Variants in SERHL2 observed in about 807,000 individuals in gnomAD.
The protein encoded by SERHL2 is serine hydrolase-like protein 2.
A neutral mutation model predicts 25.5 loss-of-function variants in SERHL2; 29 were observed. The observed-to-expected ratio is 1.14, with a 90% CI of 0.85 to 1.55. SERHL2 has a LOEUF of 1.55. Ranked by LOEUF, SERHL2 falls within the 40% of genes most tolerant of loss-of-function variation. SERHL2 has a pLI of 0.00. For synonymous variants in SERHL2, 95 were observed against 103.5 expected (o/e 0.92, Z 0.50); for missense variants, 240 against 252.3 (o/e 0.95, Z 0.33).
intron 9 of SERHL2, among the ~76,000 whole-genome samples, chr22:42,567,830 G>A (rs1039232557): frequency 2.5e-4 from 38 of 151,334 alleles, no homozygotes; most frequent in African/African-American, 7.8e-4. Context: ...TCCCAGGTTC[G>A]AGTGATTCTC....
intron 10 of SERHL2, chr22:42,572,019 T>C (rs1924292898): frequency 1.3e-5 from 2 of 153,712 alleles, no homozygotes; most frequent in African/African-American, 4.8e-5. Context: ...GATGAAAATG[T>C]CCTGTAATTG....
At chr22:42,563,611 T>G (rs1453782778) in intron 8 of SERHL2, 1 of 181,166 alleles carries the variant, frequency 5.5e-6, no homozygotes, top group Non-Finnish European at 1.2e-5. Flanking sequence ...TTGCAGATAA[T>G]AATTTGTTTA....
chr22:42,563,401 G>A (rs754349567), intron 8 of SERHL2: 7 of 428,542 alleles, frequency 1.6e-5, no homozygotes, highest in South Asian at 4.9e-5. Context: ...ATGGAGTTTC[G>A]CCATGTTGCC....
chr22:42,572,305 C>T, intron 10 of SERHL2, 131 bp from the exon 11 acceptor site: 1 of 626,658 alleles, frequency 1.6e-6, no homozygotes, highest in Non-Finnish European at 2.8e-6. Context: ...GTCAAGGGAC[C>T]CAGCTGTGGG....
chr22:42,573,488 C>T (rs1269682440), intron 11 of SERHL2: 2 of 164,720 alleles, frequency 1.2e-5, no homozygotes, highest in African/African-American at 4.8e-5. Flanking sequence ...CGTGATCCGC[C>T]CACCTTGGCC....
At chr22:42,554,714 G>A (rs1195019276) in intron 1 of SERHL2, among the ~76,000 whole-genome samples, 5 of 149,692 alleles carry the variant, frequency 3.3e-5, no homozygotes, top group Non-Finnish European at 4.4e-5. Context: ...ATGCTCTGAG[G>A]CCTGTCACAG....
At position 42,560,197 on chromosome 22, in the gene SERHL2, G is replaced by A. The variant is rs756517281; in HGVS notation, c.545G>A (p.Ser182Asn). Residue 182 changes from serine (S) to asparagine (N), a missense_variant, in exon 8 of 12, where the codon AGC (serine) becomes AAC (asparagine). Around this residue, in one of 4 missense-constraint regions of SERHL2, gnomAD observed 212 missense variants for 168.9 expected, o/e 1.25. Coordinates refer to ENST00000327678, the MANE Select transcript of SERHL2 (RefSeq NM_014509.5). ...LKQLLQRLLK[S>N]NSHLSEECGE... ...CTGTCTCCCCCCAGGTTACTGAAGA[G>A]CAATAGCCACTTGAGTGAGGAGTGC... The A allele has an allele frequency of 6.2e-7, 1 of 1,612,406 alleles. No individual in the cohort carries two copies. Among genetic ancestry groups the A allele is most frequent in the Non-Finnish European group, 8.5e-7 (1 of 1,178,738 alleles).
chr22:42,562,981 G>A lies in SERHL2; in HGVS notation c.613+2716G>A, dbSNP rs148241747. ...AGTCCAGGTGGGAGGACTGTTTGAG[G>A]CCAGGAGTTCAAGACCAGCCTGGGC... On this transcript the variant is annotated intron_variant, in intron 8 of 11. Transcript: ENST00000327678. 5.1e-3 allele frequency among the ~76,000 whole-genome samples: 778 copies of A among 151,848 alleles called. 6 individuals are homozygous for A. The highest frequency in any genetic ancestry group is 0.018 in the African/African-American group (731 of 41,478).
At position 42,557,557 on chromosome 22, in the gene SERHL2, CAAAAAAAAA is replaced by C. The variant is rs3046378; in HGVS notation, c.424-773_424-765del. On this transcript the variant is annotated intron_variant, in intron 6 of 11. Coordinates refer to ENST00000327678, the MANE Select transcript of SERHL2 (RefSeq NM_014509.5). ...GCAACAAGAGGGAAACTCCGTCTCC[CAAAAAAAAA>C]AAAAAAAAAAAAAAAAAGAATGACG... Among the ~76,000 whole-genome samples the C allele has an allele frequency of 3.1e-4, 14 of 45,518 alleles. 1 individual carries two copies. Among genetic ancestry groups the C allele is most frequent in the Admixed American group, 1.2e-3 (3 of 2,476 alleles). The allele number at this position is 45,518 out of a possible 152,430, so 29.9% of individuals were successfully genotyped here.
At chr22:42,572,933 G>C (rs1251525804) in intron 11 of SERHL2, 1 of 160,968 alleles carries the variant, frequency 6.2e-6, no homozygotes, top group African/African-American at 2.4e-5. Flanking sequence ...GCCTCCCGAA[G>C]TGCTGGTTTT....
chr22:42,573,932 CCAG>C lies in SERHL2; in HGVS notation c.826_828del. The stretch of plus-strand genomic sequence containing the variant: ...CCTCACCACCCACCCCCTCCCCTCT[CCAG>C]CAGTTCCAGTTTGTGGAAGTCCCAG... On this transcript the variant is annotated splice_acceptor_variant and splice_polypyrimidine_tract_variant and intron_variant, in intron 11 of 11. Transcript: ENST00000327678. LOFTEE classifies it high-confidence loss of function. 6.4e-7 allele frequency: 1 copy of C among 1,556,898 alleles called. No individual in the cohort carries two copies. The highest frequency in any genetic ancestry group is 2.3e-5 in the East Asian group (1 of 43,836).
chr22:42,569,584 C>G (rs938638942), intron 9 of SERHL2: 1 of 151,800 alleles, frequency 6.6e-6, no homozygotes, highest in Non-Finnish European at 1.5e-5. Context: ...TTAGTAGAGA[C>G]AGGGTCAAGT....
At chr22:42,564,268 G>A (rs1923051494) in intron 8 of SERHL2, among the ~76,000 whole-genome samples, 1 of 151,412 alleles carries the variant, frequency 6.6e-6, no homozygotes, top group African/African-American at 2.4e-5. Flanking sequence ...TGGCTCCTCA[G>A]GTGCCTAATG....
intron 8 of SERHL2, among the ~76,000 whole-genome samples, chr22:42,564,423 C>T (rs913791487): frequency 8.8e-5 from 13 of 148,406 alleles, no homozygotes; most frequent in African/African-American, 3.0e-4. Flanking sequence ...AGGCCCGACA[C>T]AGGATTTTTT....
chr22:42,560,972 CCT>C (rs1319304300), intron 8 of SERHL2, among the ~76,000 whole-genome samples: 1 of 151,776 alleles, frequency 6.6e-6, no homozygotes, highest in African/African-American at 2.4e-5. Context: ...GCCGACTGTC[CCT>C]CTCTCAGTGG....
chr22:42,572,880 G>A (rs1924431262), intron 11 of SERHL2: 1 of 291,280 alleles, frequency 3.4e-6, no homozygotes, highest in African/African-American at 2.3e-5. Context: ...ATGTTGGCCA[G>A]GCTGGTCTCA....
At chr22:42,566,472 C>T (rs1242240679) in intron 9 of SERHL2, 134 bp downstream of exon 9, 29 of 797,002 alleles carry the variant, frequency 3.6e-5, no homozygotes, top group Admixed American at 1.3e-4. Context: ...GCAGGACAAT[C>T]GCTTGAATGG....
chr22:42,572,590 C>T, intron 11 of SERHL2, 61 bp downstream of exon 11: 3 of 1,586,540 alleles, frequency 1.9e-6, no homozygotes, highest in Middle Eastern at 1.8e-4. Flanking sequence ...TCCCACCTCA[C>T]CCATCTCTTC....
At chr22:42,563,653 TGGG>T (rs942362534) in intron 8 of SERHL2, among the ~76,000 whole-genome samples, 8 of 151,982 alleles carry the variant, frequency 5.3e-5, no homozygotes, top group South Asian at 2.1e-4. Context: ...ACATTTGGCA[TGGG>T]GGGAATTTTG....
Sources: allele counts gnomAD v4.1 joint callset (sites outside exome capture counted in the v4.1 genomes callset), GRCh38; gene constraint gnomAD v4.1.1; regional missense constraint gnomAD v4.1.1; transcripts MANE v1.5; gene names NCBI Gene and HGNC (gene_info 2026-07-23, HGNC 2026-07-21).